Variants in CDH13 observed in about 807,000 individuals in gnomAD.
CDH13 encodes cadherin 13, also known as cadherin-13.
CDH13 carries 24 observed loss-of-function variants against 63.8 expected under a neutral mutation model. The ratio of observed to expected loss-of-function variants is 0.38; its 90% CI spans 0.27 to 0.53. The LOEUF (loss-of-function observed/expected upper bound fraction) is 0.53. Ranked by LOEUF, CDH13 falls within the 20% of genes least tolerant of loss-of-function variation. The pLI is 0.85. For synonymous variants in CDH13, 503 were observed against 355.3 expected, an observed-to-expected ratio of 1.42 and a Z score of -4.67; for missense variants, 1,049 against 903.1, an observed-to-expected ratio of 1.16 and a Z score of -2.07.
chr16:82,790,247 C>G (rs137901003), intron 1 of CDH13, among the ~76,000 whole-genome samples: 21 of 152,206 alleles, frequency 1.4e-4, no homozygotes, highest in African/African-American at 4.1e-4. Flanking sequence ...CCAGCCTGAT[C>G]AGCAGGGTGA....
intron 6 of CDH13, among the ~76,000 whole-genome samples, chr16:83,425,706 T>C (rs2071872459): frequency 6.6e-6 from 1 of 152,278 alleles, no homozygotes; most frequent in Non-Finnish European, 1.5e-5. Context: ...TTTCTTCAAC[T>C]AATCTGCAGT....
At chr16:82,784,009 G>GGT (rs1451412975) in intron 1 of CDH13, among the ~76,000 whole-genome samples, 1 of 152,140 alleles carries the variant, frequency 6.6e-6, no homozygotes, top group African/African-American at 2.4e-5. Context: ...TGTTCCTGGA[G>GGT]GTGTGTGTGG....
At chr16:83,619,028 A>G (rs912836291) in intron 8 of CDH13, among the ~76,000 whole-genome samples, 1 of 152,216 alleles carries the variant, frequency 6.6e-6, no homozygotes, top group Non-Finnish European at 1.5e-5. Flanking sequence ...GATCTGAAAG[A>G]CAGGATTTTA....
chr16:83,089,799 G>A (rs1346241400), intron 3 of CDH13, among the ~76,000 whole-genome samples: 2 of 152,172 alleles, frequency 1.3e-5, no homozygotes, highest in African/African-American at 4.8e-5. Context: ...GACTTATATA[G>A]ATGAGTGAAT....
intron 7 of CDH13, among the ~76,000 whole-genome samples, chr16:83,486,919 C>T (rs1185258704): frequency 6.6e-6 from 1 of 152,164 alleles, no homozygotes; most frequent in Non-Finnish European, 1.5e-5. Flanking sequence ...GCCACTTATT[C>T]TCTAGGCCCT....
intron 7 of CDH13, among the ~76,000 whole-genome samples, chr16:83,556,858 G>A (rs1454387373): frequency 3.3e-5 from 5 of 152,354 alleles, no homozygotes; most frequent in African/African-American, 1.2e-4. Context: ...CAAAGGAAAC[G>A]TTGAAGCGCC....
At chr16:83,271,290 G>T (rs938358918) in intron 5 of CDH13, among the ~76,000 whole-genome samples, 2 of 151,314 alleles carry the variant, frequency 1.3e-5, no homozygotes, top group African/African-American at 4.9e-5. Context: ...CCAGTAATGT[G>T]GGTGAGTCTT....
intron 5 of CDH13, among the ~76,000 whole-genome samples, chr16:83,260,493 A>G (rs115800019): frequency 2.0e-3 from 312 of 152,266 alleles, no homozygotes; most frequent in African/African-American, 7.2e-3. Context: ...GGGAACCAGG[A>G]CACTTGATTG....
chr16:82,751,479 C>G (rs2034411759), intron 1 of CDH13, among the ~76,000 whole-genome samples: 1 of 152,108 alleles, frequency 6.6e-6, no homozygotes, highest in Non-Finnish European at 1.5e-5. Context: ...CACACACTGA[C>G]CTCCTACTAC....
chr16:83,634,140 T>TGTGA (rs1269557575), intron 8 of CDH13, among the ~76,000 whole-genome samples: 52 of 151,538 alleles, frequency 3.4e-4, no homozygotes, highest in Non-Finnish European at 6.5e-4. Context: ...TGTGTATGTG[T>TGTGA]GTGTGTGTGT....
chr16:83,705,928 G>A (rs1467056830), intron 10 of CDH13, among the ~76,000 whole-genome samples: 1 of 152,134 alleles, frequency 6.6e-6, no homozygotes, highest in Non-Finnish European at 1.5e-5. Flanking sequence ...GTCTGCCCTA[G>A]GGCTGGTTGC....
At chr16:83,384,427 G>T (rs2091632333) in intron 6 of CDH13, among the ~76,000 whole-genome samples, 2 of 152,166 alleles carry the variant, frequency 1.3e-5, no homozygotes, top group Admixed American at 6.5e-5. Flanking sequence ...GCGAATTTAT[G>T]GACAGAACAA....
At chr16:82,657,401 G>C (rs1911422571) in intron 1 of CDH13, among the ~76,000 whole-genome samples, 1 of 152,134 alleles carries the variant, frequency 6.6e-6, no homozygotes, top group Non-Finnish European at 1.5e-5. Context: ...AATGGATGAT[G>C]GGTAAGATAG....
chr16:82,803,349 T>C (rs1283146239), intron 1 of CDH13, among the ~76,000 whole-genome samples: 8 of 152,204 alleles, frequency 5.3e-5, no homozygotes, highest in Non-Finnish European at 1.0e-4. Flanking sequence ...GCCTTCTTTA[T>C]CTCAGAATTC....
At chr16:83,588,404 G>A (rs1313158349) in intron 7 of CDH13, among the ~76,000 whole-genome samples, 3 of 152,212 alleles carry the variant, frequency 2.0e-5, no homozygotes, top group Admixed American at 1.3e-4. Context: ...AACATTTACT[G>A]AGAGTGACTG....
chr16:83,571,296 A>T (rs973515297), intron 7 of CDH13, among the ~76,000 whole-genome samples: 1 of 152,174 alleles, frequency 6.6e-6, no homozygotes, highest in Non-Finnish European at 1.5e-5. Context: ...CATGAGGGAC[A>T]GTGAGAACAG....
chr16:82,687,718 G>A (rs1156670352), intron 1 of CDH13, among the ~76,000 whole-genome samples: 4 of 152,072 alleles, frequency 2.6e-5, no homozygotes, highest in Non-Finnish European at 5.9e-5. Flanking sequence ...GGGACACAGA[G>A]CCAAGCCATA....
chr16:82,627,337 CGTGTGTGTGTGTGTGT>C (rs71146081), intron 1 of CDH13, among the ~76,000 whole-genome samples, 200 bp downstream of exon 1: 49 of 131,254 alleles, frequency 3.7e-4, no homozygotes, highest in Admixed American at 7.5e-4. Flanking sequence ...CTCTGGCGTG[CGTGTGTGTGTGTGTGT>C]GTGTGTGTGT....
At chr16:83,249,377 G>T (rs62040378) in intron 5 of CDH13, among the ~76,000 whole-genome samples, 3,967 of 152,276 alleles carry the variant, frequency 0.026, 87 homozygotes, top group Non-Finnish European at 0.042. Context: ...CAACACCAAG[G>T]ATTGTCTTAC....
Sources: gnomAD v4.1 joint callset for allele counts (sites outside exome capture counted in the v4.1 genomes callset) on GRCh38, gnomAD v4.1.1 for gene constraint, MANE v1.5 for transcripts, NCBI Gene and HGNC (gene_info 2026-07-23, HGNC 2026-07-21) for gene names.